The following ZMYM4 variants were observed in gnomAD, a reference collection of about 807,000 sequenced individuals.
ZMYM4 encodes the protein zinc finger MYM-type containing 4.
A neutral mutation model predicts 183.2 loss-of-function variants in ZMYM4; 31 were observed. That is an observed-to-expected ratio of 0.17 (90% CI 0.13 to 0.23). The LOEUF (loss-of-function observed/expected upper bound fraction) is 0.23. Ranked by LOEUF, ZMYM4 falls within the 10% of genes least tolerant of loss-of-function variation. The probability of loss-of-function intolerance (pLI) is 1.00; values close to 1 mark genes in which losing one functional copy is unlikely to be tolerated. For synonymous variants in ZMYM4, 592 were observed against 631.2 expected (o/e 0.94, Z 0.93); for missense variants, 1,273 against 1,840.3 (o/e 0.69, Z 5.64).
intron 18 of ZMYM4, among the ~76,000 whole-genome samples, chr1:35,394,465 G>A (rs552000998): frequency 2.6e-5 from 4 of 152,192 alleles, no homozygotes; most frequent in Admixed American, 6.5e-5. Context: ...TTCAGTTGGA[G>A]CGGATGAGAA....
chr1:35,390,816 C>T (rs151250317), intron 15 of ZMYM4, among the ~76,000 whole-genome samples: 2 of 152,272 alleles, frequency 1.3e-5, no homozygotes, highest in African/African-American at 4.8e-5. Context: ...CTTAAAAAAT[C>T]CTTTGAGACT....
At chr1:35,327,036 T>C (rs1642533060) in intron 2 of ZMYM4, among the ~76,000 whole-genome samples, 1 of 152,126 alleles carries the variant, frequency 6.6e-6, no homozygotes, top group Non-Finnish European at 1.5e-5. Context: ...ATTTTTTATA[T>C]TTTTGGTAGA....
intron 2 of ZMYM4, among the ~76,000 whole-genome samples, chr1:35,333,789 C>T (rs1182188359): frequency 6.6e-6 from 1 of 152,064 alleles, no homozygotes; most frequent in Non-Finnish European, 1.5e-5. Context: ...ACATACTTTT[C>T]TCCTCCTCAC....
chr1:35,376,713 A>G (rs1336293024), intron 7 of ZMYM4, among the ~76,000 whole-genome samples: 4 of 151,408 alleles, frequency 2.6e-5, no homozygotes, highest in Admixed American at 6.6e-5. Context: ...TTTAGTAGAG[A>G]TGGGGTTTCA....
intron 2 of ZMYM4, among the ~76,000 whole-genome samples, chr1:35,354,064 A>G (rs971812496): frequency 6.6e-6 from 1 of 151,838 alleles, no homozygotes; most frequent in Admixed American, 6.6e-5. Context: ...TGGGAGGATC[A>G]CCTGAGCCCA....
intron 7 of ZMYM4, among the ~76,000 whole-genome samples, chr1:35,378,003 GGTGTC>G (rs1490685043): frequency 6.6e-6 from 1 of 152,082 alleles, no homozygotes; most frequent in Non-Finnish European, 1.5e-5. Context: ...TAAATCCTTT[GGTGTC>G]ATTTCACCAA....
At chr1:35,305,845 G>A (rs992480606) in intron 1 of ZMYM4, among the ~76,000 whole-genome samples, 1 of 152,020 alleles carries the variant, frequency 6.6e-6, no homozygotes, top group Non-Finnish European at 1.5e-5. Flanking sequence ...CACTGTGCTG[G>A]GTGCATACTT....
intron 1 of ZMYM4, among the ~76,000 whole-genome samples, chr1:35,284,169 G>C (rs888563354): frequency 6.6e-6 from 1 of 151,524 alleles, no homozygotes; most frequent in Non-Finnish European, 1.5e-5. Context: ...GTAGAGACGG[G>C]GTTTCACCTT....
intron 7 of ZMYM4, among the ~76,000 whole-genome samples, chr1:35,377,414 T>C (rs1337133726): frequency 6.6e-6 from 1 of 152,202 alleles, no homozygotes; most frequent in African/African-American, 2.4e-5. Context: ...TAGTAAAATA[T>C]TAGGTGCTCC....
rs1644455184 is a variant in ZMYM4, at chr1:35,381,385, T to C, written c.1308T>C (p.Asn436=). 33 of 1,611,186 alleles carry C rather than the reference T, an allele frequency of 2.0e-5. No homozygotes were observed. Among genetic ancestry groups the C allele is most frequent in the Non-Finnish European group, 2.8e-5 (33 of 1,178,588 alleles). ...AAAAAAAACCTATTGTTACCATAAATACAAATAGTATTTCAACCAAATGCA... is the reference window on the plus strand; with the variant it reads ...AAAAAAAACCTATTGTTACCATAAACACAAATAGTATTTCAACCAAATGCA... ...ELKKKPIVTI[N]TNSISTKCSM... Residue 436 remains asparagine (N), a synonymous_variant, in exon 8 of 30, where the codon AAT becomes AAC. Transcript: ENST00000314607.
intron 1 of ZMYM4, among the ~76,000 whole-genome samples, chr1:35,276,167 A>T (rs1001131154): frequency 5.3e-5 from 8 of 152,094 alleles, no homozygotes; most frequent in Non-Finnish European, 8.8e-5. Context: ...AATGTATTTT[A>T]ATACTGACAT....
In ZMYM4 at chr1:35,290,466, G is replaced by A. The variant is rs527763314; in HGVS notation, c.39+21381G>A. Among the ~76,000 whole-genome samples the A allele has an allele frequency of 4.0e-5, 6 of 151,354 alleles. No homozygotes were observed. In the South Asian group the frequency reaches 6.3e-4, roughly 16 times the overall value. ...TTTTATTTTTTTAGAGACGGGATCC[G>A]GCTCTGTCACCCAGGCTGGGGTGCA... On this transcript the variant is annotated intron_variant, in intron 1 of 29. Transcript: ENST00000314607.
chr1:35,285,590 A>G (rs886831655), intron 1 of ZMYM4, among the ~76,000 whole-genome samples: 3 of 152,240 alleles, frequency 2.0e-5, no homozygotes, highest in Non-Finnish European at 4.4e-5. Flanking sequence ...AAAAAATACA[A>G]CATTTAAAAA....
intron 28 of ZMYM4, among the ~76,000 whole-genome samples, chr1:35,416,700 A>T (rs1009818309): frequency 2.0e-5 from 3 of 152,172 alleles, no homozygotes; most frequent in Non-Finnish European, 4.4e-5. Context: ...AGTAGCTGGG[A>T]CTACAGGCAT....
Position 35,386,075 on chromosome 1 carries a change from T to C in ZMYM4, c.1722T>C (p.Gly574=). ...AYRVKMVTSA[G]VQVQCNSCKT... ...TGGTTTTTATTTTGATTTGCTAAGG[T>C]GTACAAGTTCAGTGTAACAGTTGTA... The change falls in exon 11 of 30, where the codon GGT becomes GGC. Residue 574 remains glycine (G), a splice_region_variant and synonymous_variant. Coordinates refer to ENST00000314607, the MANE Select transcript of ZMYM4 (RefSeq NM_005095.3). The C allele has an allele frequency of 6.2e-7, 1 of 1,609,816 alleles. No homozygotes were observed. Among genetic ancestry groups the C allele is most frequent in the Non-Finnish European group, 8.5e-7 (1 of 1,176,750 alleles).
rs1191732189 is a variant in ZMYM4 at position 35,403,796 on chromosome 1, T to C, written c.3529-1227T>C. On this transcript the variant is annotated intron_variant, in intron 23 of 29. Coordinates refer to ENST00000314607, the MANE Select transcript of ZMYM4 (RefSeq NM_005095.3). The stretch of plus-strand genomic sequence containing the variant: ...CTTTAACTATGATAGAATTTAACTA[T>C]GATGGAATTTAATCCATCTGGGAAT... Among the ~76,000 whole-genome samples, 4 of 152,234 alleles carry C rather than the reference T, an allele frequency of 2.6e-5. No homozygotes were observed. The East Asian group carries it at 7.7e-4, about 29-fold the overall frequency.
At chr1:35,368,690 C>G (rs1228129789) in intron 5 of ZMYM4, among the ~76,000 whole-genome samples, 1 of 152,014 alleles carries the variant, frequency 6.6e-6, no homozygotes, top group Non-Finnish European at 1.5e-5. Context: ...TTCAGGAATT[C>G]TTTTCTTAGG....
At chr1:35,332,651 G>T (rs1184126626) in intron 2 of ZMYM4, among the ~76,000 whole-genome samples, 2 of 151,996 alleles carry the variant, frequency 1.3e-5, no homozygotes, top group Non-Finnish European at 2.9e-5. Flanking sequence ...GTGGCTCAGG[G>T]ATCCAAGCAA....
chr1:35,391,578 A>G (rs966510739), intron 15 of ZMYM4, among the ~76,000 whole-genome samples: 8 of 152,238 alleles, frequency 5.3e-5, no homozygotes, highest in African/African-American at 1.9e-4. Context: ...GGCAAGATTT[A>G]AGAAAAACAT....
Sources: allele counts gnomAD v4.1 joint callset (sites outside exome capture counted in the v4.1 genomes callset), GRCh38; gene constraint gnomAD v4.1.1; transcripts MANE v1.5; gene names NCBI Gene and HGNC (gene_info 2026-07-23, HGNC 2026-07-21).